The following C6orf132 variants were observed in gnomAD, a reference collection of about 807,000 sequenced individuals.
C6orf132 encodes chromosome 6 open reading frame 132.
Under a neutral mutation model 65.3 loss-of-function variants are expected in C6orf132, and 43 were observed. The ratio of observed to expected loss-of-function variants is 0.66; its 90% CI spans 0.52 to 0.85. The LOEUF is 0.85. Ranked by LOEUF, C6orf132 falls within the 40% of genes least tolerant of loss-of-function variation. C6orf132 has a pLI of 0.00. For missense variants in C6orf132, 1,488 were observed against 1,548.8 expected (o/e 0.96, Z 0.66); for synonymous variants, 631 against 654.1 (o/e 0.96, Z 0.54).
At chr6:42,123,949 G>A (rs575664674) in intron 2 of C6orf132, among the ~76,000 whole-genome samples, 2 of 152,324 alleles carry the variant, frequency 1.3e-5, no homozygotes, top group Admixed American at 6.5e-5. Context: ...CGGAAGCAGA[G>A]CTCAAGGAGG....
chr6:42,139,386 A>C (rs1766999974), intron 1 of C6orf132, among the ~76,000 whole-genome samples: 1 of 152,228 alleles, frequency 6.6e-6, no homozygotes, highest in African/African-American at 2.4e-5. Flanking sequence ...ATCCAATAAT[A>C]AATCATGCCT....
intron 2 of C6orf132, among the ~76,000 whole-genome samples, chr6:42,127,976 G>C (rs1156986691): frequency 6.6e-6 from 1 of 150,930 alleles, no homozygotes; most frequent in African/African-American, 2.4e-5. Flanking sequence ...CCAGGCTGGA[G>C]GGCAGTGGCG....
intron 2 of C6orf132, among the ~76,000 whole-genome samples, chr6:42,121,750 C>T (rs942414757): frequency 7.2e-5 from 11 of 152,168 alleles, no homozygotes; most frequent in African/African-American, 2.4e-4. Context: ...CCCTGTGGGG[C>T]GGGGTGTGGA....
chr6:42,125,571 A>G (rs1370350935), intron 2 of C6orf132, among the ~76,000 whole-genome samples: 1 of 152,194 alleles, frequency 6.6e-6, no homozygotes, highest in Non-Finnish European at 1.5e-5. Context: ...CTGTAAAATG[A>G]GGCCCCTTTC....
chr6:42,105,562 C>A lies in C6orf132; in HGVS notation c.2350G>T (p.Val784Leu), dbSNP rs754043462. Residue 784 changes from valine to leucine, a missense_variant, in exon 4 of 5, where the codon GTG becomes TTG. Val to Leu is a conservative substitution (Grantham distance 32). Transcript: ENST00000341865. ...CCTCTGGCCAGGGTGGGCATCACCA[C>A]AGCAACCTCACGGCTGAGGCTGCTC... Reference protein sequence around the residue: ...HQSSLSREVAVVMPTLARGGA... With the variant: ...HQSSLSREVALVMPTLARGGA... 5.2e-6 allele frequency: 8 copies of A among 1,536,276 alleles called. No homozygotes were observed. The highest frequency in any genetic ancestry group is 7.0e-6 in the Non-Finnish European group (8 of 1,146,610).
At chr6:42,109,475 C>T (rs970618347) in intron 3 of C6orf132, among the ~76,000 whole-genome samples, 1 of 151,788 alleles carries the variant, frequency 6.6e-6, no homozygotes, top group African/African-American at 2.4e-5. Context: ...GAGAAGGCCT[C>T]GCAGAGAAGG....
chr6:42,122,313 G>A (rs905823017), intron 2 of C6orf132, among the ~76,000 whole-genome samples: 6 of 152,194 alleles, frequency 3.9e-5, no homozygotes, highest in Admixed American at 2.0e-4. Flanking sequence ...CTCAGAGGGC[G>A]CACCACGTCC....
At chr6:42,108,311 G>C (rs915447564) in intron 3 of C6orf132, among the ~76,000 whole-genome samples, 1 of 152,190 alleles carries the variant, frequency 6.6e-6, no homozygotes, top group African/African-American at 2.4e-5. Flanking sequence ...TACAGCTGTT[G>C]TGAGGATTAA....
chr6:42,128,810 C>A, intron 1 of C6orf132, 32 bp from the exon 2 acceptor site: 1 of 1,506,254 alleles, frequency 6.6e-7, no homozygotes, highest in South Asian at 1.2e-5. Flanking sequence ...ACACCATAAG[C>A]TGGAGATCCA....
rs1206232220 is a variant in C6orf132, at chr6:42,107,483, G to A, written c.429C>T (p.Pro143=). Residue 143 remains proline (P), a synonymous_variant, in exon 4 of 5, where the codon CCC becomes CCT. Coordinates refer to ENST00000341865, the MANE Select transcript of C6orf132 (RefSeq NM_001164446.3). ...YGQDLLIPPP[P]PGPAPGPPQD... is the part of the protein sequence containing the mutation. Reference sequence around the variant, plus strand: ...GAGGGGGCCCTGGGGCTGGGCCTGGGGGAGGTGGGGGGATGAGTAGATCCT... The same window carrying A: ...GAGGGGGCCCTGGGGCTGGGCCTGGAGGAGGTGGGGGGATGAGTAGATCCT... 1 of 1,547,036 alleles carries A rather than the reference G, an allele frequency of 6.5e-7. No homozygotes were observed. Among genetic ancestry groups the A allele is most frequent in the Admixed American group, 2.0e-5 (1 of 50,886 alleles).
chr6:42,142,085 G>A (rs1767043371), intron 1 of C6orf132, among the ~76,000 whole-genome samples: 1 of 150,714 alleles, frequency 6.6e-6, no homozygotes, highest in African/African-American at 2.5e-5. Context: ...CCGTGGTGGT[G>A]GGGGGGGTCC....
rs867267187 is a variant in C6orf132, at chr6:42,106,873, G to A, written c.1039C>T (p.Arg347Cys). Reference protein sequence around the residue: ...RLPLPPSFHIRPASQVYPDRA... With the variant: ...RLPLPPSFHICPASQVYPDRA... ...TCTGGGTAGACCTGGGAGGCGGGGC[G>A]GATGTGGAAGCTGGGAGGCAGTGGG... The change falls in exon 4 of 5, where the codon CGC (arginine) becomes TGC (cysteine). Residue 347 changes from arginine to cysteine, a missense_variant. Arg to Cys is a radical substitution (Grantham distance 180, BLOSUM62 -3). Coordinates refer to ENST00000341865, the MANE Select transcript of C6orf132 (RefSeq NM_001164446.3). 121 of 1,535,572 alleles carry A rather than the reference G, an allele frequency of 7.9e-5. No individual in the cohort carries two copies. Among genetic ancestry groups the A allele is most frequent in the African/African-American group, 9.6e-5 (7 of 73,028 alleles).
rs1265041518 is a variant in C6orf132, at chr6:42,142,383, G to A, written c.62C>T (p.Thr21Met). Residue 21 changes from threonine to methionine, a missense_variant, in exon 1 of 5, where the codon ACG becomes ATG. Thr to Met is a moderately conservative substitution (Grantham distance 81, BLOSUM62 -1). Coordinates refer to ENST00000341865, the MANE Select transcript of C6orf132 (RefSeq NM_001164446.3). ...GGCGTAGAGGGAGGTGCTGGGGGTC[G>A]TGGTGTGCTTCTTCCCGAAGAGTTT... is the stretch of plus-strand genomic sequence containing the variant. ...FSKLFGKKHTTTPSTSLYATN... is the reference protein window; with the variant it reads ...FSKLFGKKHTMTPSTSLYATN... The A allele has an allele frequency of 6.4e-7, 1 of 1,551,492 alleles. No individual in the cohort carries two copies.
At position 42,128,089 on chromosome 6, in the gene C6orf132, A is replaced by AT. The variant is rs36071882; in HGVS notation, c.252+582dup. 7.9e-3 allele frequency among the ~76,000 whole-genome samples: 1,146 copies of AT among 145,662 alleles called. 18 individuals are homozygous for AT. Among genetic ancestry groups the AT allele is most frequent in the African/African-American group, 0.025 (978 of 39,488 alleles). On this transcript the variant is annotated intron_variant, in intron 2 of 4. Coordinates refer to ENST00000341865, the MANE Select transcript of C6orf132 (RefSeq NM_001164446.3). ...ACAGGTGCTTGCCACTACACCGGCT[A>AT]TTTTTTTTTTTTATATTTAGTAGAG...
In C6orf132 at chr6:42,132,864, A is replaced by AAAAAG. The variant is rs1169218182; in HGVS notation, c.146-4091_146-4087dup. Among the ~76,000 whole-genome samples the AAAAAG allele has an allele frequency of 3.0e-3, 453 of 148,658 alleles. 5 individuals carry two copies. The highest frequency in any genetic ancestry group is 0.015 in the East Asian group (75 of 5,140). The stretch of plus-strand genomic sequence containing the variant: ...AGAGTGAGACTCTGTCTCAAAAAAA[A>AAAAAG]AAAAGAAAAGAAAAGAAAAGAAAAG... On this transcript the variant is annotated intron_variant, in intron 1 of 4. Transcript: ENST00000341865.
In C6orf132 at chr6:42,105,359, CT is replaced by C; in HGVS notation, c.2552del (p.Lys851ArgfsTer5). The C allele has an allele frequency of 1.3e-6, 2 of 1,536,560 alleles. No homozygotes were observed. Among genetic ancestry groups the C allele is most frequent in the Non-Finnish European group, 1.7e-6 (2 of 1,146,782 alleles). On this transcript the variant is annotated frameshift_variant, in exon 4 of 5. Coordinates refer to ENST00000341865, the MANE Select transcript of C6orf132 (RefSeq NM_001164446.3). LOFTEE classifies it high-confidence loss of function. Reference sequence around the variant, plus strand: ...CCAGGGCAGCCCCTACAGACCTTCCCTTCTGAGCCCTCTGCCTGGCCGCCAG... The same window carrying C: ...CCAGGGCAGCCCCTACAGACCTTCCCTCTGAGCCCTCTGCCTGGCCGCCAG... ...LLLAARQRAQ[K>X]GRSVGAALGR...
chr6:42,131,562 A>G (rs1367430011), intron 1 of C6orf132, among the ~76,000 whole-genome samples: 1 of 152,240 alleles, frequency 6.6e-6, no homozygotes, highest in African/African-American at 2.4e-5. Flanking sequence ...GGGAAGAGCC[A>G]TAATCCCACC....
chr6:42,120,137 A>G (rs1766657607), intron 2 of C6orf132, among the ~76,000 whole-genome samples: 3 of 152,064 alleles, frequency 2.0e-5, no homozygotes, highest in Admixed American at 2.0e-4. Flanking sequence ...ATCACAGCCT[A>G]GTATATTGGA....
chr6:42,106,851 G>C lies in C6orf132; in HGVS notation c.1061C>G (p.Pro354Arg). Reference protein sequence around the residue: ...FHIRPASQVYPDRAPEPDCPG... With the variant: ...FHIRPASQVYRDRAPEPDCPG... Reference sequence around the variant, plus strand: ...GCAGTCTGGCTCGGGGGCCCTGTCTGGGTAGACCTGGGAGGCGGGGCGGAT... The same window carrying C: ...GCAGTCTGGCTCGGGGGCCCTGTCTCGGTAGACCTGGGAGGCGGGGCGGAT... The change falls in exon 4 of 5, where the codon CCA becomes CGA. Residue 354 changes from proline to arginine, a missense_variant. By Grantham distance (103) the Pro-to-Arg change is moderately radical. Transcript: ENST00000341865. 1 of 1,535,782 alleles carries C rather than the reference G, an allele frequency of 6.5e-7. No individual in the cohort carries two copies. Among genetic ancestry groups the C allele is most frequent in the Non-Finnish European group, 8.7e-7 (1 of 1,146,586 alleles).
Sources: gnomAD v4.1 joint callset for allele counts (sites outside exome capture counted in the v4.1 genomes callset) on GRCh38, gnomAD v4.1.1 for gene constraint, MANE v1.5 for transcripts, NCBI Gene and HGNC (gene_info 2026-07-23, HGNC 2026-07-21) for gene names.